Variants in GRIN2A observed in about 807,000 individuals in gnomAD.
GRIN2A encodes glutamate ionotropic receptor NMDA type subunit 2A.
GRIN2A carries 22 observed loss-of-function variants against 113.4 expected under a neutral mutation model. The ratio of observed to expected loss-of-function variants is 0.19; its 90% CI spans 0.14 to 0.28. The LOEUF (loss-of-function observed/expected upper bound fraction) is 0.28. Among genes scored for constraint, GRIN2A ranks in the 10% least tolerant of loss-of-function variants. The pLI is 1.00. For missense variants in GRIN2A, 1,502 were observed against 1,887.0 expected (o/e 0.80, Z 3.78); for synonymous variants, 827 against 738.4 (o/e 1.12, Z -1.94).
chr16:10,107,992 C>T (rs1240503180), intron 2 of GRIN2A, among the ~76,000 whole-genome samples: 1 of 152,172 alleles, frequency 6.6e-6, no homozygotes, highest in Non-Finnish European at 1.5e-5. Flanking sequence ...AAAAGGCCAA[C>T]CCTGGGCTAG....
At chr16:9,969,223 T>C (rs2045622050) in intron 2 of GRIN2A, among the ~76,000 whole-genome samples, 1 of 152,116 alleles carries the variant, frequency 6.6e-6, no homozygotes, top group Admixed American at 6.5e-5. Flanking sequence ...TTGAACTTGG[T>C]GTTACCGAAT....
chr16:9,929,652 T>C (rs962851401), intron 3 of GRIN2A, among the ~76,000 whole-genome samples: 5 of 152,116 alleles, frequency 3.3e-5, no homozygotes, highest in African/African-American at 9.7e-5. Flanking sequence ...ATCAGAGTAA[T>C]AGAGATGGGG....
chr16:9,820,754 G>A (rs1176385736), intron 10 of GRIN2A, among the ~76,000 whole-genome samples: 1 of 152,174 alleles, frequency 6.6e-6, no homozygotes, highest in East Asian at 1.9e-4. Flanking sequence ...AGGGTGTGGG[G>A]CGGGGTTCCA....
rs377152953 is a variant in GRIN2A at position 9,764,012 on chromosome 16, G to T, written c.3532C>A (p.Leu1178Ile). 52 of 1,614,130 alleles carry T rather than the reference G, an allele frequency of 3.2e-5. No homozygotes were observed. Among genetic ancestry groups the T allele is most frequent in the Middle Eastern group, 1.6e-4 (1 of 6,062 alleles). Residue 1178 changes from leucine to isoleucine, a missense_variant, in exon 13 of 13, where the codon CTT becomes ATT. Transcript: ENST00000330684. ...NRNPLHNEEG[L>I]SNNDQYKLYS... is the part of the protein sequence containing the mutation. ...AGTTTATACTGGTCGTTGTTGGAAAGCCCCTCTTCATTATGCAAGGGGTTC... is the reference window on the plus strand; with the variant it reads ...AGTTTATACTGGTCGTTGTTGGAAATCCCCTCTTCATTATGCAAGGGGTTC...
intron 2 of GRIN2A, among the ~76,000 whole-genome samples, chr16:10,025,985 C>A (rs1420448700): frequency 2.0e-5 from 3 of 152,200 alleles, no homozygotes; most frequent in Non-Finnish European, 4.4e-5. Flanking sequence ...CTGGAGCCAA[C>A]CTCAAGGCAG....
intron 3 of GRIN2A, among the ~76,000 whole-genome samples, chr16:9,932,957 T>C (rs1689165251): frequency 6.6e-6 from 1 of 152,150 alleles, no homozygotes; most frequent in Admixed American, 6.5e-5. Flanking sequence ...ACTGGACAGA[T>C]TCTTGTGATG....
intron 2 of GRIN2A, among the ~76,000 whole-genome samples, chr16:10,096,330 A>G (rs1241973177): frequency 6.6e-6 from 1 of 152,106 alleles, no homozygotes; most frequent in Admixed American, 6.5e-5. Flanking sequence ...AGCAGCACCT[A>G]ACCACCCGGA....
intron 2 of GRIN2A, among the ~76,000 whole-genome samples, chr16:10,003,475 C>A (rs770873533): frequency 6.6e-6 from 1 of 152,044 alleles, no homozygotes; most frequent in Non-Finnish European, 1.5e-5. Flanking sequence ...AGAGAAAAAA[C>A]GAACAGAGAT....
intron 2 of GRIN2A, among the ~76,000 whole-genome samples, chr16:10,178,908 C>A (rs994239963): frequency 1.3e-5 from 2 of 152,244 alleles, no homozygotes; most frequent in African/African-American, 4.8e-5. Flanking sequence ...GGCTATGGCA[C>A]ACAAGTACAC....
At chr16:9,766,355 C>T (rs1187798669) in intron 12 of GRIN2A, among the ~76,000 whole-genome samples, 1 of 152,198 alleles carries the variant, frequency 6.6e-6, no homozygotes, top group Non-Finnish European at 1.5e-5. Context: ...CTCATTTTCA[C>T]TGCTACATTT....
intron 2 of GRIN2A, among the ~76,000 whole-genome samples, chr16:10,174,165 C>T (rs1327582969): frequency 1.3e-5 from 2 of 152,230 alleles, no homozygotes; most frequent in Non-Finnish European, 2.9e-5. Context: ...AGAACTGGAC[C>T]TAGAATCAGG....
chr16:10,104,215 T>C (rs1312986693), intron 2 of GRIN2A, among the ~76,000 whole-genome samples: 4 of 152,256 alleles, frequency 2.6e-5, no homozygotes, highest in African/African-American at 7.2e-5. Flanking sequence ...TTCTGTCATC[T>C]GTTCATTCAT....
chr16:9,765,864 A>C (rs1900889899), intron 12 of GRIN2A, among the ~76,000 whole-genome samples: 1 of 152,206 alleles, frequency 6.6e-6, no homozygotes, highest in Non-Finnish European at 1.5e-5. Context: ...GAACTGAATG[A>C]CTTAAGGGCT....
rs144814602 is a variant in GRIN2A, at chr16:9,924,074, G to A, written c.1007+13885C>T. On this transcript the variant is annotated intron_variant, in intron 3 of 12. Coordinates refer to ENST00000330684, the MANE Select transcript of GRIN2A (RefSeq NM_001134407.3). ...TGTAGTGAGCCGAGATTGCACCACT[G>A]CACTCCAGCCTGGGCAGCAGAGTGA... is the stretch of plus-strand genomic sequence containing the variant. Among the ~76,000 whole-genome samples, 820 of 132,892 alleles carry A rather than the reference G, an allele frequency of 6.2e-3. 13 individuals carry two copies. The highest frequency in any genetic ancestry group is 0.022 in the African/African-American group (760 of 35,038). 87.2% of individuals were successfully genotyped at this position (132,892 alleles called of 152,430 possible).
intron 3 of GRIN2A, among the ~76,000 whole-genome samples, chr16:9,905,122 T>C (rs1212911467): frequency 6.6e-6 from 1 of 152,222 alleles, no homozygotes; most frequent in Non-Finnish European, 1.5e-5. Flanking sequence ...AACATCTACT[T>C]TATGCTAGCA....
chr16:9,812,564 G>A (rs563717645), intron 10 of GRIN2A, among the ~76,000 whole-genome samples: 6 of 152,194 alleles, frequency 3.9e-5, no homozygotes, highest in African/African-American at 7.2e-5. Context: ...CTCAAACCTC[G>A]GAGATGGAGG....
At chr16:9,844,732 C>T (rs1688074990) in intron 5 of GRIN2A, among the ~76,000 whole-genome samples, 1 of 152,164 alleles carries the variant, frequency 6.6e-6, no homozygotes, top group Non-Finnish European at 1.5e-5. Flanking sequence ...AAATCTCATC[C>T]AGCACTTAAA....
At chr16:10,049,144 A>C (rs1041025780) in intron 2 of GRIN2A, among the ~76,000 whole-genome samples, 24 of 152,336 alleles carry the variant, frequency 1.6e-4, no homozygotes, top group Admixed American at 1.0e-3. Context: ...GCTTGGCAAA[A>C]GCCCAGTGAA....
chr16:9,971,270 A>G (rs1423693622), intron 2 of GRIN2A, among the ~76,000 whole-genome samples: 1 of 152,236 alleles, frequency 6.6e-6, no homozygotes. Flanking sequence ...CTTCCCTGAT[A>G]TAACAATTTC....
Sources: allele counts gnomAD v4.1 joint callset (sites outside exome capture counted in the v4.1 genomes callset), GRCh38; gene constraint gnomAD v4.1.1; transcripts MANE v1.5; gene names NCBI Gene and HGNC (gene_info 2026-07-23, HGNC 2026-07-21).